The following RHBDD1 variants were observed in gnomAD, a reference collection of about 807,000 sequenced individuals.
The protein encoded by RHBDD1 is rhomboid domain containing 1.
Under a neutral mutation model 36.3 loss-of-function variants are expected in RHBDD1, and 38 were observed. The observed-to-expected ratio is 1.05, with a 90% CI of 0.81 to 1.37. The LOEUF is 1.37. RHBDD1 is among the 40% of genes most tolerant of loss of function. The pLI, the probability that RHBDD1 is intolerant of heterozygous loss-of-function variation, is 0.00. For synonymous variants in RHBDD1, 151 were observed against 136.5 expected (o/e 1.11, Z -0.74); for missense variants, 393 against 377.6 (o/e 1.04, Z -0.34).
Position 226,997,288 on chromosome 2 carries a change from C to G in RHBDD1, c.*1766C>G, listed in dbSNP as rs775278204. On this transcript the variant is annotated 3_prime_UTR_variant, in exon 9 of 9. Transcript: ENST00000392062. Reference sequence around the variant, plus strand: ...AATATTCAAGCTAAATGTTACTGCTCTCTCCCAAATTCTGTAAGTTTGACT... The same window carrying G: ...AATATTCAAGCTAAATGTTACTGCTGTCTCCCAAATTCTGTAAGTTTGACT... 9 of 152,218 alleles carry G rather than the reference C, an allele frequency of 5.9e-5. No homozygotes were observed. Among genetic ancestry groups the G allele is most frequent in the Non-Finnish European group, 8.8e-5 (6 of 68,032 alleles). 9.4% of individuals were successfully genotyped at this position (152,218 alleles called of 1,614,324 possible).
chr2:226,847,242 G>A (rs75347041), intron 3 of RHBDD1, among the ~76,000 whole-genome samples: 2,853 of 152,270 alleles, frequency 0.019, 48 homozygotes, highest in Admixed American at 0.041. Flanking sequence ...TAGTGGAGCA[G>A]AATGGAGCAT....
At chr2:226,845,820 G>T (rs913792260) in intron 3 of RHBDD1, among the ~76,000 whole-genome samples, 2 of 152,170 alleles carry the variant, frequency 1.3e-5, no homozygotes, top group African/African-American at 2.4e-5. Flanking sequence ...TGCTTTTAAA[G>T]ATATATTTGA....
At chr2:226,936,971 A>C (rs1338498322) in intron 8 of RHBDD1, among the ~76,000 whole-genome samples, 1 of 152,160 alleles carries the variant, frequency 6.6e-6, no homozygotes, top group Non-Finnish European at 1.5e-5. Context: ...AATATGTGAC[A>C]TTCTCTACTT....
intron 5 of RHBDD1, among the ~76,000 whole-genome samples, chr2:226,872,786 A>G (rs183199635): frequency 1.3e-5 from 2 of 152,282 alleles, no homozygotes; most frequent in African/African-American, 4.8e-5. Flanking sequence ...CCAAAGTCCT[A>G]CTGATTATTT....
intron 3 of RHBDD1, among the ~76,000 whole-genome samples, chr2:226,853,185 T>C (rs1461499115): frequency 6.6e-6 from 1 of 152,156 alleles, no homozygotes; most frequent in Non-Finnish European, 1.5e-5. Context: ...TTTAAAACAT[T>C]CAAACTTCAG....
At chr2:226,994,517 T>G (rs564853325) in intron 8 of RHBDD1, among the ~76,000 whole-genome samples, 77 of 152,248 alleles carry the variant, frequency 5.1e-4, no homozygotes, top group African/African-American at 1.8e-3. Flanking sequence ...GAGAGAGCCT[T>G]TCAGTGCAAA....
intron 8 of RHBDD1, among the ~76,000 whole-genome samples, chr2:226,942,151 T>G (rs560633652): frequency 7.9e-5 from 12 of 152,082 alleles, no homozygotes; most frequent in Admixed American, 1.3e-4. Flanking sequence ...ATGGTTTTCT[T>G]GTAAGTCTGT....
chr2:226,835,562 G>T (rs964472064), upstream of RHBDD1: 1 of 152,272 alleles, frequency 6.6e-6, no homozygotes, highest in Non-Finnish European at 1.5e-5. Flanking sequence ...CTAACAGGCG[G>T]TATCTGACCC....
At chr2:226,945,922 T>TC (rs1448326086) in intron 8 of RHBDD1, among the ~76,000 whole-genome samples, 1 of 152,202 alleles carries the variant, frequency 6.6e-6, no homozygotes, top group Non-Finnish European at 1.5e-5. Flanking sequence ...GGTTTTTTTT[T>TC]CCTATGTTTG....
chr2:226,963,712 GA>G (rs1301841700), intron 8 of RHBDD1, among the ~76,000 whole-genome samples: 1 of 152,116 alleles, frequency 6.6e-6, no homozygotes, highest in Non-Finnish European at 1.5e-5. Flanking sequence ...AGGCTTCTTG[GA>G]ATGTGGATCT....
At chr2:226,821,987 AG>A in the RHBDD1 span, among the ~76,000 whole-genome samples, 1 of 152,132 alleles carries the variant, frequency 6.6e-6, no homozygotes, top group East Asian at 1.9e-4. Flanking sequence ...ATTAAGTTTC[AG>A]GGGGTTTGAA....
At chr2:226,809,398 T>C in the RHBDD1 span, among the ~76,000 whole-genome samples, 87 of 152,360 alleles carry the variant, frequency 5.7e-4, no homozygotes, top group Non-Finnish European at 8.2e-4. Context: ...CTGACTGAAT[T>C]CTTTAGTGGA....
intron 7 of RHBDD1, among the ~76,000 whole-genome samples, chr2:226,910,410 G>T (rs1193108177): frequency 6.6e-6 from 1 of 152,176 alleles, no homozygotes; most frequent in African/African-American, 2.4e-5. Context: ...TGGTCATCTA[G>T]GGAACTTTTA....
the RHBDD1 span, among the ~76,000 whole-genome samples, chr2:226,811,317 T>C: frequency 6.6e-6 from 1 of 152,126 alleles, no homozygotes; most frequent in African/African-American, 2.4e-5. Context: ...TTTCTGTTTT[T>C]TTGAGAGGGA....
chr2:226,812,374 G>C, the RHBDD1 span, among the ~76,000 whole-genome samples: 4 of 152,198 alleles, frequency 2.6e-5, no homozygotes, highest in African/African-American at 9.7e-5. Flanking sequence ...GATAACATTT[G>C]ACCTAGCAAT....
At chr2:226,843,198 A>G (rs1233205998) in intron 3 of RHBDD1, among the ~76,000 whole-genome samples, 1 of 152,206 alleles carries the variant, frequency 6.6e-6, no homozygotes, top group Non-Finnish European at 1.5e-5. Context: ...TTCTAGATAT[A>G]GGATCATGTC....
chr2:226,998,171 C>G lies in RHBDD1; in HGVS notation c.*2649C>G, dbSNP rs1315675628. ...TCTTTACTTGGTTCTGAAGAGGAGGCAGTAGTTAAAATTGCTTCCTCTTAA... is the reference window on the plus strand; with the variant it reads ...TCTTTACTTGGTTCTGAAGAGGAGGGAGTAGTTAAAATTGCTTCCTCTTAA... On this transcript the variant is annotated 3_prime_UTR_variant, in exon 9 of 9. Transcript: ENST00000392062. 38 of 152,192 alleles carry G rather than the reference C, an allele frequency of 2.5e-4. No homozygotes were observed. The highest frequency in any genetic ancestry group is 2.5e-3 in the Admixed American group (38 of 15,276). 9.4% of individuals were successfully genotyped at this position (152,192 alleles called of 1,614,324 possible). A position where few individuals can be genotyped will look rare whatever the true frequency, so the allele number is the denominator to read the frequency against.
At chr2:226,833,311 TA>T (rs1940789565), upstream of RHBDD1, among the ~76,000 whole-genome samples, 3 of 152,208 alleles carry the variant, frequency 2.0e-5, 1 homozygote, top group South Asian at 6.2e-4. Context: ...GCTTCTCCCT[TA>T]AAAAGATAAT....
chr2:226,976,363 G>T (rs866211594), intron 8 of RHBDD1, among the ~76,000 whole-genome samples: 1 of 150,940 alleles, frequency 6.6e-6, no homozygotes, highest in African/African-American at 2.4e-5. Flanking sequence ...TCCAAGTCGA[G>T]ACGTCTGCTT....
Sources: allele counts gnomAD v4.1 joint callset (sites outside exome capture counted in the v4.1 genomes callset), GRCh38; gene constraint gnomAD v4.1.1; transcripts MANE v1.5; gene names NCBI Gene and HGNC (gene_info 2026-07-23, HGNC 2026-07-21).